The following SBF1 variants were observed in gnomAD, a reference collection of about 807,000 sequenced individuals.
SBF1 encodes the protein myotubularin-related protein 5.
Under a neutral mutation model 215.8 loss-of-function variants are expected in SBF1, and 65 were observed. That is an observed-to-expected ratio of 0.30 (90% CI 0.25 to 0.37). The LOEUF (loss-of-function observed/expected upper bound fraction) is 0.37. Ranked by LOEUF, SBF1 falls within the 10% of genes least tolerant of loss-of-function variation. The pLI, the probability that SBF1 is intolerant of heterozygous loss-of-function variation, is 1.00. For missense variants in SBF1, 2,634 were observed against 2,667.8 expected, an observed-to-expected ratio of 0.99 and a Z score of 0.28; for synonymous variants, 1,410 against 1,122.8, an observed-to-expected ratio of 1.26 and a Z score of -5.11.
chr22:50,453,128 A>G (rs1263145024), intron 36 of SBF1, among the ~76,000 whole-genome samples: 1 of 152,252 alleles, frequency 6.6e-6, no homozygotes. Flanking sequence ...GATAACAAGA[A>G]GACCCAACTA....
At chr22:50,461,494 C>A (rs968323187) in intron 22 of SBF1, 29 bp downstream of exon 22, 3 of 1,563,732 alleles carry the variant, frequency 1.9e-6, no homozygotes, top group Admixed American at 1.8e-5. Flanking sequence ...GGAGAGGGGG[C>A]GACAGGGCCA....
chr22:50,448,368 G>A lies in SBF1; in HGVS notation c.5228C>T (p.Pro1743Leu). Residue 1743 changes from proline (P) to leucine (L), a missense_variant, in exon 38 of 41, where the codon CCC (proline) becomes CTC (leucine). Pro to Leu is a moderately conservative substitution (Grantham distance 98). Coordinates refer to ENST00000380817, the MANE Select transcript of SBF1 (RefSeq NM_002972.4). ...GCTGAGGCTCAGGGTGGAGCCCACG[G>A]GCCCCTCCTGCAGGTACACACCCAG... ...RSLGVYLQEG[P>L]VGSTLSLSLD... is the part of the protein sequence containing the mutation. 1 of 1,613,898 alleles carries A rather than the reference G, an allele frequency of 6.2e-7. No homozygotes were observed. The highest frequency in any genetic ancestry group is 1.1e-5 in the South Asian group (1 of 91,086).
In SBF1 at chr22:50,464,235, T is replaced by C. The variant is rs1246870065; in HGVS notation, c.1749+94A>G. 16 of 1,075,492 alleles carry C rather than the reference T, an allele frequency of 1.5e-5. No individual in the cohort carries two copies. In the South Asian group the frequency reaches 2.0e-4, roughly 14 times the overall value. 66.6% of individuals were successfully genotyped at this position (1,075,492 alleles called of 1,614,324 possible). A position where few individuals can be genotyped will look rare whatever the true frequency, so the allele number is the denominator to read the frequency against. ...GCTGTCTGTTAGGCAGAGGAGGCCC[T>C]GGGGCAGCGTCAGCACTCACAAGGG... is the stretch of plus-strand genomic sequence containing the variant. On this transcript the variant is annotated intron_variant, in intron 15 of 40. Coordinates refer to ENST00000380817, the MANE Select transcript of SBF1 (RefSeq NM_002972.4).
Position 50,466,185 on chromosome 22 carries a change from C to G in SBF1, c.862G>C (p.Val288Leu). 6.2e-7 allele frequency: 1 copy of G among 1,613,542 alleles called. No individual in the cohort carries two copies. ...LSTPTPFIIG[V>L]NAAFQAETQE... ...GTCTCTGCCTGGAAGGCCGCGTTGA[C>G]CCCAATGATGAAGGGCGTGGGTGTG... Residue 288 changes from valine (V) to leucine (L), a missense_variant, in exon 8 of 41, where the codon GTC (valine) becomes CTC (leucine). By Grantham distance (32) the Val-to-Leu change is conservative (BLOSUM62 1). Transcript: ENST00000380817.
At position 50,455,160 on chromosome 22, in the gene SBF1, C is replaced by G; in HGVS notation, c.4555-18G>C. The stretch of plus-strand genomic sequence containing the variant: ...AGGTGGACCTGCACGCCATGTGGGT[C>G]AGGGGCCAGGGCTCAGCGGTCAGGG... On this transcript the variant is annotated intron_variant, in intron 33 of 40. Transcript: ENST00000380817. 6.2e-7 allele frequency: 1 copy of G among 1,614,002 alleles called. No individual in the cohort carries two copies. The highest frequency in any genetic ancestry group is 2.2e-5 in the East Asian group (1 of 44,878).
At chr22:50,464,946 G>T (rs1205026176) in intron 12 of SBF1, 29 bp from the exon 13 acceptor site, 12 of 1,613,822 alleles carry the variant, frequency 7.4e-6, no homozygotes, top group Non-Finnish European at 1.0e-5. Context: ...GGTTAGGTAA[G>T]CCATGGTCAG....
Position 50,461,547 on chromosome 22 carries a change from T to C in SBF1, c.2815A>G (p.Thr939Ala). Residue 939 changes from threonine (T) to alanine (A), a missense_variant, in exon 22 of 41, where the codon ACG (threonine) becomes GCG (alanine). Coordinates refer to ENST00000380817, the MANE Select transcript of SBF1 (RefSeq NM_002972.4). ...CCCAGGGGGTCCGTGGGCATCCCCG[T>C]GAAGATGACCCGGTACGTGGTGAGG... Reference protein sequence around the residue: ...VFLTTYRVIFTGMPTDPLVGE... With the variant: ...VFLTTYRVIFAGMPTDPLVGE... 1 of 1,604,522 alleles carries C rather than the reference T, an allele frequency of 6.2e-7. No individual in the cohort carries two copies. Among genetic ancestry groups the C allele is most frequent in the Non-Finnish European group, 8.5e-7 (1 of 1,173,694 alleles).
At position 50,474,797 on chromosome 22, in the gene SBF1, G is replaced by A. The variant is rs1346992565; in HGVS notation, c.44C>T (p.Pro15Leu). ...ADYFVLVAFG[P>L]HPRGSGEGQG... ...GCCTCGGCACTCACCGCGCGGGTGC[G>A]GCCCGAACGCCACCAGCACGAAGTA... Residue 15 changes from proline (P) to leucine (L), a missense_variant, in exon 1 of 41, where the codon CCG becomes CTG. Physicochemically the swap from Pro to Leu is moderately conservative, Grantham distance 98. Coordinates refer to ENST00000380817, the MANE Select transcript of SBF1 (RefSeq NM_002972.4). 2 of 1,459,774 alleles carry A rather than the reference G, an allele frequency of 1.4e-6. No individual in the cohort carries two copies. The highest frequency in any genetic ancestry group is 1.8e-6 in the Non-Finnish European group (2 of 1,110,080). 90.4% of individuals were successfully genotyped at this position (1,459,774 alleles called of 1,614,324 possible).
At chr22:50,468,847 T>A (rs2067891238) in intron 1 of SBF1, among the ~76,000 whole-genome samples, 1 of 151,638 alleles carries the variant, frequency 6.6e-6, no homozygotes, top group Non-Finnish European at 1.5e-5. Flanking sequence ...ACAGTGGGCA[T>A]CCCCCAGAGC....
In SBF1 at chr22:50,466,618, G is replaced by A. The variant is rs1388573827; in HGVS notation, c.642C>T (p.Leu214=). 2.6e-6 allele frequency: 4 copies of A among 1,552,246 alleles called. No individual in the cohort carries two copies. The highest frequency in any genetic ancestry group is 1.4e-5 in the African/African-American group (1 of 73,176). The change falls in exon 6 of 41, where the codon CTC becomes CTT. Residue 214 remains leucine (L), a synonymous_variant. Transcript: ENST00000380817. Reference sequence around the variant, plus strand: ...AGACAGGCTCACCTAGCTGGCGGAAGAGCAGGGCCACGCTGCAGCGGCTGA... The same window carrying A: ...AGACAGGCTCACCTAGCTGGCGGAAAAGCAGGGCCACGCTGCAGCGGCTGA... ...LPVSRCSVAL[L]FRQLGITNVL... is the part of the protein sequence containing the mutation.
chr22:50,462,922 T>G lies in SBF1; in HGVS notation c.1916A>C (p.Asp639Ala). The G allele has an allele frequency of 6.2e-7, 1 of 1,613,020 alleles. No homozygotes were observed. Reference sequence around the variant, plus strand: ...CAGAGCCGCCGCAATGCCATGCTCGTCCAGAGAAGTGCAGTCCTGCAGGTA... The same window carrying G: ...CAGAGCCGCCGCAATGCCATGCTCGGCCAGAGAAGTGCAGTCCTGCAGGTA... ...NCCLQDCTSL[D>A]EHGIAAALLP... The change falls in exon 17 of 41, where the codon GAC (aspartate) becomes GCC (alanine). Residue 639 changes from aspartate (D) to alanine (A), a missense_variant. By Grantham distance (126) the Asp-to-Ala change is moderately radical (BLOSUM62 -2). Transcript: ENST00000380817.
rs374847968 is a variant in SBF1 at position 50,454,771 on chromosome 22, G to A, written c.4813-29C>T. ...AGGGTGGGCCTGTGGTTGAGGACCTGGGTCGGGCAGGAGCCGCCTACCCGA... is the reference window on the plus strand; with the variant it reads ...AGGGTGGGCCTGTGGTTGAGGACCTAGGTCGGGCAGGAGCCGCCTACCCGA... On this transcript the variant is annotated intron_variant, in intron 35 of 40. Transcript: ENST00000380817. 51 of 1,599,358 alleles carry A rather than the reference G, an allele frequency of 3.2e-5. No homozygotes were observed. The African/African-American group carries it at 6.2e-4, about 20-fold the overall frequency.
chr22:50,466,468 G>T lies in SBF1; in HGVS notation c.670C>A (p.Leu224Met). Residue 224 changes from leucine (L) to methionine (M), a missense_variant, in exon 7 of 41, where the codon CTG becomes ATG. Transcript: ENST00000380817. ...LFRQLGITNVLSLFCAALTEH... is the reference protein window; with the variant it reads ...LFRQLGITNVMSLFCAALTEH... ...GTGAGGGCGGCACAGAACAAAGACA[G>T]CACGTTGGTGATGCCTAAAGGAAGA... 6.5e-7 allele frequency: 1 copy of T among 1,548,066 alleles called. No individual in the cohort carries two copies. The highest frequency in any genetic ancestry group is 8.7e-7 in the Non-Finnish European group (1 of 1,144,282).
At position 50,466,370 on chromosome 22, in the gene SBF1, C is replaced by A; in HGVS notation, c.768G>T (p.Leu256=). The change falls in exon 7 of 41, where the codon CTG becomes CTT. Residue 256 remains leucine (L), a synonymous_variant. Transcript: ENST00000380817. The part of the protein sequence containing the change: ...LADACRGLLA[L]LFPLRYSFTY... Reference sequence around the variant, plus strand: ...GTCACCTGTATCTGAGAGGAAACAGCAGTGCCAGGAGGCCCCTACAGGCAT... The same window carrying A: ...GTCACCTGTATCTGAGAGGAAACAGAAGTGCCAGGAGGCCCCTACAGGCAT... 6.4e-7 allele frequency: 1 copy of A among 1,560,910 alleles called. No individual in the cohort carries two copies. The highest frequency in any genetic ancestry group is 8.7e-7 in the Non-Finnish European group (1 of 1,152,766).
chr22:50,461,063 G>C (rs2067487433), intron 23 of SBF1, 96 bp downstream of exon 23: 1 of 1,453,586 alleles, frequency 6.9e-7, no homozygotes, highest in African/African-American at 1.4e-5. Context: ...GCCACTGCTG[G>C]AGACTGGCCT....
Position 50,467,009 on chromosome 22 carries a change from GGACA to G in SBF1, c.550-303_550-300del, listed in dbSNP as rs1372748683. 1.9e-5 allele frequency: 11 copies of G among 566,516 alleles called. No individual in the cohort carries two copies. The Admixed American group carries it at 2.9e-4, about 15-fold the overall frequency. The allele number at this position is 566,516 out of a possible 1,614,324, so 35.1% of individuals were successfully genotyped here. A position where few individuals can be genotyped will look rare whatever the true frequency, so the allele number is the denominator to read the frequency against. ...TTCCTCAACAGAGTCCAGCTGCACA[GGACA>G]GACGGGCAGAAAGACACGGTTAGAC... is the stretch of plus-strand genomic sequence containing the variant. On this transcript the variant is annotated intron_variant, in intron 5 of 40. Coordinates refer to ENST00000380817, the MANE Select transcript of SBF1 (RefSeq NM_002972.4).
intron 38 of SBF1, among the ~76,000 whole-genome samples, chr22:50,447,943 C>CA (rs1407181107): frequency 6.6e-6 from 1 of 152,210 alleles, no homozygotes; most frequent in Admixed American, 6.5e-5. Context: ...GAGGGATGGC[C>CA]AGGCAGGTAG....
chr22:50,458,667 C>T (rs1452383686), intron 28 of SBF1, among the ~76,000 whole-genome samples: 1 of 152,242 alleles, frequency 6.6e-6, no homozygotes, highest in Non-Finnish European at 1.5e-5. Flanking sequence ...GCCACCCCGT[C>T]CTGGGGCCAG....
chr22:50,465,469 G>T, intron 10 of SBF1, 141 bp from the exon 11 acceptor site: 1 of 742,778 alleles, frequency 1.3e-6, no homozygotes, highest in Non-Finnish European at 2.2e-6. Flanking sequence ...TGCACTCAGG[G>T]CCACCAGCTC....
Sources: gnomAD v4.1 joint callset for allele counts (sites outside exome capture counted in the v4.1 genomes callset) on GRCh38, gnomAD v4.1.1 for gene constraint, MANE v1.5 for transcripts, NCBI Gene and HGNC (gene_info 2026-07-23, HGNC 2026-07-21) for gene names.